The following AGAP1 variants were observed in gnomAD, a reference collection of about 807,000 sequenced individuals.
AGAP1 encodes the protein ArfGAP with GTPase domain, ankyrin repeat and PH domain 1, also known as arf-GAP with GTPase, ANK repeat and PH domain-containing protein 1.
A neutral mutation model predicts 105.3 loss-of-function variants in AGAP1; 29 were observed. The ratio of observed to expected loss-of-function variants is 0.28; its 90% CI spans 0.21 to 0.38. AGAP1 has a LOEUF of 0.38. Ranked by LOEUF, AGAP1 falls within the 10% of genes least tolerant of loss-of-function variation. AGAP1 has a pLI of 1.00. For synonymous variants in AGAP1, 509 were observed against 485.9 expected (o/e 1.05, Z -0.63); for missense variants, 998 against 1,165.1 (o/e 0.86, Z 2.09).
At chr2:236,067,881 G>A (rs1266048409) in intron 16 of AGAP1, among the ~76,000 whole-genome samples, 5 of 152,030 alleles carry the variant, frequency 3.3e-5, no homozygotes, top group African/African-American at 2.4e-5. Context: ...CATAGCCACC[G>A]GGCTGTCAGG....
intron 9 of AGAP1, among the ~76,000 whole-genome samples, chr2:235,839,540 A>G (rs1960559154): frequency 6.6e-6 from 1 of 151,646 alleles, no homozygotes; most frequent in Non-Finnish European, 1.5e-5. Context: ...GTGAGCTATG[A>G]TCGCACTGCT....
chr2:236,054,444 TC>T (rs2057994444), intron 16 of AGAP1, among the ~76,000 whole-genome samples: 1 of 149,420 alleles, frequency 6.7e-6, no homozygotes, highest in Non-Finnish European at 1.5e-5. Flanking sequence ...TTTTGAGTGT[TC>T]CTCTATGCTT....
At chr2:236,064,277 C>T (rs1477672764) in intron 16 of AGAP1, among the ~76,000 whole-genome samples, 2 of 152,134 alleles carry the variant, frequency 1.3e-5, no homozygotes, top group African/African-American at 4.8e-5. Flanking sequence ...GCCTCAAATG[C>T]TAAAGCCCAG....
chr2:235,603,170 C>A (rs58083518), intron 1 of AGAP1, among the ~76,000 whole-genome samples: 4,620 of 152,248 alleles, frequency 0.03, 90 homozygotes, highest in Middle Eastern at 0.061. Flanking sequence ...AATAAGCCTC[C>A]TGAGAGCTGG....
intron 9 of AGAP1, among the ~76,000 whole-genome samples, chr2:235,876,846 CTTTTT>C (rs34849687): frequency 7.6e-6 from 1 of 131,504 alleles, no homozygotes; most frequent in African/African-American, 2.8e-5. Flanking sequence ...GGTGTGGAAC[CTTTTT>C]TTTTTTTTTT....
At position 236,125,686 on chromosome 2, in the gene AGAP1, C is replaced by T. The variant is rs2059991877; in HGVS notation, c.*1564C>T. 6.6e-6 allele frequency: 1 copy of T among 152,192 alleles called. No homozygotes were observed. The highest frequency in any genetic ancestry group is 1.5e-5 in the Non-Finnish European group (1 of 68,034). The allele number at this position is 152,192 out of a possible 1,614,324, so 9.4% of individuals were successfully genotyped here. A position where few individuals can be genotyped will look rare whatever the true frequency, so the allele number is the denominator to read the frequency against. On this transcript the variant is annotated 3_prime_UTR_variant, in exon 18 of 18. Coordinates refer to ENST00000304032, the MANE Select transcript of AGAP1 (RefSeq NM_001037131.3). The surrounding 1 kb of genome is among the most constrained non-coding windows in gnomAD (Gnocchi z 5.2). ...TGGCACAGACTGGCTCCTGAGAACC[C>T]AGACGACCTTGACCTGGCAGCCCGG...
Position 235,633,049 on chromosome 2 carries a change from G to C in AGAP1, c.164-76130G>C, listed in dbSNP as rs1575005057. ...CCCCCGACTCTTGGTGGGCTTTTGA[G>C]TTCTGCTTTTGCTTGAACTTCTAGC... is the stretch of plus-strand genomic sequence containing the variant. On this transcript the variant is annotated intron_variant, in intron 1 of 17. Transcript: ENST00000304032. The surrounding 1 kb of genome is among the most constrained non-coding windows in gnomAD (Gnocchi z 4.8). Among the ~76,000 whole-genome samples, 1 of 152,252 alleles carries C rather than the reference G, an allele frequency of 6.6e-6. No homozygotes were observed. The highest frequency in any genetic ancestry group is 1.5e-5 in the Non-Finnish European group (1 of 68,028).
intron 8 of AGAP1, among the ~76,000 whole-genome samples, chr2:235,803,019 G>A (rs199653376): frequency 6.3e-3 from 8 of 1,274 alleles, no homozygotes; most frequent in African/African-American, 0.012. Context: ...GGTTGTGATG[G>A]TGGTGATGGT....
At position 235,549,945 on chromosome 2, in the gene AGAP1, C is replaced by T. The variant is rs141069165; in HGVS notation, c.163+55096C>T. On this transcript the variant is annotated intron_variant, in intron 1 of 17. Coordinates refer to ENST00000304032, the MANE Select transcript of AGAP1 (RefSeq NM_001037131.3). This position sits in a 1 kb window ranked among gnomAD's most constrained non-coding sequence, Gnocchi z 4.2. ...CGGATGACCACAGGTGTGAAGCTGTCTTCAGTGGTGGGGGAACCACCTGGG... is the reference window on the plus strand; with the variant it reads ...CGGATGACCACAGGTGTGAAGCTGTTTTCAGTGGTGGGGGAACCACCTGGG... Among the ~76,000 whole-genome samples, 218 of 152,288 alleles carry T rather than the reference C, an allele frequency of 1.4e-3. 1 individual carries two copies. Among genetic ancestry groups the T allele is most frequent in the African/African-American group, 4.9e-3 (203 of 41,568 alleles).
chr2:235,790,460 G>A (rs1400896096), intron 6 of AGAP1, among the ~76,000 whole-genome samples: 2 of 152,084 alleles, frequency 1.3e-5, no homozygotes, highest in African/African-American at 2.4e-5. Flanking sequence ...CAGCCCCTCC[G>A]CTCCCCACAC....
chr2:236,088,362 A>G (rs2058981577), intron 16 of AGAP1, among the ~76,000 whole-genome samples: 1 of 152,268 alleles, frequency 6.6e-6, no homozygotes, highest in Admixed American at 6.5e-5. Flanking sequence ...GCAAAGACCC[A>G]TTAAGCATCT....
At chr2:236,110,739 A>C (rs572421786) in intron 16 of AGAP1, among the ~76,000 whole-genome samples, 1 of 152,358 alleles carries the variant, frequency 6.6e-6, no homozygotes, top group African/African-American at 2.4e-5. Flanking sequence ...CATTTGGCTC[A>C]TGTAGCATTG....
Position 235,883,308 on chromosome 2 carries a change from A to C in AGAP1, c.1051-37A>C, listed in dbSNP as rs753221365. 1 of 1,581,542 alleles carries C rather than the reference A, an allele frequency of 6.3e-7. No individual in the cohort carries two copies. Among genetic ancestry groups the C allele is most frequent in the African/African-American group, 1.4e-5 (1 of 73,642 alleles). On this transcript the variant is annotated intron_variant, in intron 9 of 17. Transcript: ENST00000304032. The surrounding 1 kb of genome is among the most constrained non-coding windows in gnomAD (Gnocchi z 4.5). Reference sequence around the variant, plus strand: ...TACCTGCCTTTTCTTTTTTTTATTTACATTAGAATTTCTATTTGGCTCTTT... The same window carrying C: ...TACCTGCCTTTTCTTTTTTTTATTTCCATTAGAATTTCTATTTGGCTCTTT...
rs1001634006 is a variant in AGAP1, at chr2:235,652,251, C to T, written c.164-56928C>T. On this transcript the variant is annotated intron_variant, in intron 1 of 17. Coordinates refer to ENST00000304032, the MANE Select transcript of AGAP1 (RefSeq NM_001037131.3). ...GCAGCCCACCTGTCACTCTGTGGCC[C>T]TGCAACAGGGCCCTGCTTGTCAGGA... Among the ~76,000 whole-genome samples, 4 of 152,270 alleles carry T rather than the reference C, an allele frequency of 2.6e-5. No homozygotes were observed. The South Asian group carries it at 8.3e-4, about 32-fold the overall frequency.
intron 6 of AGAP1, among the ~76,000 whole-genome samples, chr2:235,767,618 C>T (rs975950644): frequency 5.3e-5 from 8 of 152,086 alleles, no homozygotes; most frequent in Non-Finnish European, 7.4e-5. Flanking sequence ...ATCTAAGCAC[C>T]GTTACCAAGA....
In AGAP1 at chr2:236,020,488, C is replaced by T. The variant is rs897296074; in HGVS notation, c.1646-16073C>T. On this transcript the variant is annotated intron_variant, in intron 13 of 17. Transcript: ENST00000304032. This position sits in a 1 kb window ranked among gnomAD's most constrained non-coding sequence, Gnocchi z 5.0. ...TCAGTTGTAGAAATTTGGCTAAAAG[C>T]GTGAGCTGTGGAGTCACACACGCCT... 6.6e-6 allele frequency among the ~76,000 whole-genome samples: 1 copy of T among 152,214 alleles called. No homozygotes were observed. The highest frequency in any genetic ancestry group is 1.5e-5 in the Non-Finnish European group (1 of 68,038).
At chr2:235,711,014 G>C (rs1950828783) in intron 2 of AGAP1, among the ~76,000 whole-genome samples, 1 of 152,188 alleles carries the variant, frequency 6.6e-6, no homozygotes, top group African/African-American at 2.4e-5. Flanking sequence ...TGAAGAACCT[G>C]CCCAAGGAGC....
intron 6 of AGAP1, among the ~76,000 whole-genome samples, chr2:235,795,452 T>C (rs924485923): frequency 1.3e-5 from 2 of 152,248 alleles, no homozygotes; most frequent in African/African-American, 4.8e-5. Context: ...TTCCCCTTCC[T>C]ATTCCTCATG....
chr2:235,539,379 G>T (rs756794669), intron 1 of AGAP1, among the ~76,000 whole-genome samples: 39 of 152,170 alleles, frequency 2.6e-4, no homozygotes, highest in African/African-American at 8.4e-4. Context: ...TGAATCCCAC[G>T]CCCATTTTGA....
Sources: gnomAD v4.1 joint callset for allele counts (sites outside exome capture counted in the v4.1 genomes callset) on GRCh38, gnomAD v4.1.1 for gene constraint, Gnocchi (gnomAD v3.1) non-coding constraint, MANE v1.5 for transcripts, NCBI Gene and HGNC (gene_info 2026-07-23, HGNC 2026-07-21) for gene names.